PTPRT: variants seen among roughly 807,000 people sequenced by gnomAD.
The protein encoded by PTPRT is receptor-type tyrosine-protein phosphatase T.
PTPRT carries 56 observed loss-of-function variants against 176.8 expected under a neutral mutation model. That is an observed-to-expected ratio of 0.32 (90% CI 0.26 to 0.40). PTPRT has a LOEUF of 0.40. Among genes scored for constraint, PTPRT ranks in the 10% least tolerant of loss-of-function variants. The pLI is 1.00. For synonymous variants in PTPRT, 783 were observed against 739.0 expected (o/e 1.06, Z -0.96); for missense variants, 1,540 against 1,908.2 (o/e 0.81, Z 3.60).
At chr20:42,119,724 A>C (rs1987483496) in intron 20 of PTPRT, among the ~76,000 whole-genome samples, 1 of 152,146 alleles carries the variant, frequency 6.6e-6, no homozygotes. Context: ...CAAATGAACA[A>C]TCTCAAGGAC....
intron 6 of PTPRT, among the ~76,000 whole-genome samples, chr20:42,740,758 T>C (rs2076596932): frequency 6.6e-6 from 1 of 152,192 alleles, no homozygotes; most frequent in Non-Finnish European, 1.5e-5. Flanking sequence ...GCTGTCAGAC[T>C]GCTCTAAGAG....
the PTPRT span, among the ~76,000 whole-genome samples, chr20:42,033,270 A>G: frequency 6.6e-6 from 1 of 152,250 alleles, no homozygotes; most frequent in Admixed American, 6.5e-5. Context: ...TAAATTCGGC[A>G]ACATTCACTG....
intron 7 of PTPRT, among the ~76,000 whole-genome samples, chr20:42,632,373 G>A (rs768139696): frequency 2.0e-5 from 3 of 151,982 alleles, no homozygotes; most frequent in Non-Finnish European, 4.4e-5. Flanking sequence ...TTAATAGCTG[G>A]GATTACAGGC....
At chr20:42,522,843 G>A (rs768312549) in intron 7 of PTPRT, among the ~76,000 whole-genome samples, 1 of 152,058 alleles carries the variant, frequency 6.6e-6, no homozygotes, top group Non-Finnish European at 1.5e-5. Context: ...TGGTTTCCCT[G>A]AGCATTTAGA....
chr20:42,149,701 G>C lies in PTPRT; in HGVS notation c.2683-7699C>G, dbSNP rs1055997002. ...GGCCTCCCAAAGTGCTGGGATTACA[G>C]GCGTGAGCCACCGCGCCTGACCCAG... On this transcript the variant is annotated intron_variant, in intron 17 of 30. Coordinates refer to ENST00000373187, the MANE Select transcript of PTPRT (RefSeq NM_007050.6). 2.6e-5 allele frequency among the ~76,000 whole-genome samples: 4 copies of C among 152,322 alleles called. No homozygotes were observed. In the East Asian group the frequency reaches 7.7e-4, roughly 29 times the overall value.
intron 2 of PTPRT, among the ~76,000 whole-genome samples, chr20:42,798,950 G>A (rs574767632): frequency 1.6e-4 from 25 of 152,056 alleles, no homozygotes; most frequent in Admixed American, 3.3e-4. Flanking sequence ...CAGGCAGGGA[G>A]TTTGTGTGCA....
intron 24 of PTPRT, among the ~76,000 whole-genome samples, chr20:42,105,665 C>A (rs1986371444): frequency 6.6e-6 from 1 of 152,210 alleles, no homozygotes; most frequent in South Asian, 2.1e-4. Context: ...AACCAGCAAG[C>A]CTGGCTTCTG....
At chr20:42,518,266 A>AT (rs1228242579) in intron 7 of PTPRT, among the ~76,000 whole-genome samples, 1 of 151,732 alleles carries the variant, frequency 6.6e-6, no homozygotes. Flanking sequence ...CCTTTCCATG[A>AT]TTTTATGTTT....
At chr20:42,269,998 C>A (rs1936564452) in intron 13 of PTPRT, among the ~76,000 whole-genome samples, 1 of 152,096 alleles carries the variant, frequency 6.6e-6, no homozygotes, top group African/African-American at 2.4e-5. Context: ...ATTTTGAATA[C>A]CATGTACCTT....
chr20:42,034,187 C>T, the PTPRT span, among the ~76,000 whole-genome samples: 85 of 152,132 alleles, frequency 5.6e-4, no homozygotes, highest in Non-Finnish European at 1.3e-4. Context: ...GCAGTCTCAC[C>T]TGAAGGATCA....
chr20:42,591,286 TA>T (rs2073570267), intron 7 of PTPRT, among the ~76,000 whole-genome samples: 2 of 152,108 alleles, frequency 1.3e-5, no homozygotes, highest in African/African-American at 4.8e-5. Context: ...AGCCTTAAGC[TA>T]AGTCTAAAAA....
At chr20:42,054,030 G>T in the PTPRT span, among the ~76,000 whole-genome samples, 3 of 152,148 alleles carry the variant, frequency 2.0e-5, no homozygotes, top group African/African-American at 7.2e-5. Context: ...ACATAGTGAA[G>T]GTCACTAGAA....
intron 1 of PTPRT, among the ~76,000 whole-genome samples, chr20:43,165,303 C>A (rs1191709123): frequency 6.6e-6 from 1 of 151,838 alleles, no homozygotes; most frequent in Non-Finnish European, 1.5e-5. Context: ...GGATTACAGG[C>A]GCCTGCCACA....
At chr20:42,755,343 G>C (rs560599691) in intron 6 of PTPRT, among the ~76,000 whole-genome samples, 1 of 152,208 alleles carries the variant, frequency 6.6e-6, no homozygotes, top group East Asian at 1.9e-4. Flanking sequence ...CTTTGACAAA[G>C]GAAACTAACT....
chr20:42,411,328 C>A (rs2059014128), intron 9 of PTPRT, among the ~76,000 whole-genome samples: 1 of 151,762 alleles, frequency 6.6e-6, no homozygotes, highest in Non-Finnish European at 1.5e-5. Flanking sequence ...ACCAGCCTGG[C>A]CAACTTGGTG....
intron 2 of PTPRT, among the ~76,000 whole-genome samples, chr20:42,811,195 T>TA (rs1016037475): frequency 2.0e-5 from 3 of 152,044 alleles, no homozygotes; most frequent in Non-Finnish European, 2.9e-5. Flanking sequence ...GATTGAAGTT[T>TA]AAAAAAAATC....
intron 23 of PTPRT, among the ~76,000 whole-genome samples, chr20:42,109,040 T>TATAAAGC (rs1986780292): frequency 6.8e-6 from 1 of 146,538 alleles, no homozygotes; most frequent in Non-Finnish European, 1.5e-5. Flanking sequence ...CTATGAGATA[T>TATAAAGC]AAAGCAAAGC....
intron 9 of PTPRT, among the ~76,000 whole-genome samples, chr20:42,423,486 C>T (rs1435968083): frequency 1.3e-5 from 2 of 152,280 alleles, no homozygotes; most frequent in African/African-American, 4.8e-5. Flanking sequence ...GTGCCCAGGC[C>T]CCTCACTGGT....
intron 1 of PTPRT, among the ~76,000 whole-genome samples, chr20:43,178,243 AGG>A (rs536487472): frequency 4.1e-4 from 62 of 152,318 alleles, no homozygotes; most frequent in African/African-American, 1.4e-3. Flanking sequence ...AATTTTGTTT[AGG>A]GGAAGATAAA....
Sources: allele counts gnomAD v4.1 joint callset (sites outside exome capture counted in the v4.1 genomes callset), GRCh38; gene constraint gnomAD v4.1.1; transcripts MANE v1.5; gene names NCBI Gene and HGNC (gene_info 2026-07-23, HGNC 2026-07-21).